Variants in FRMD4B observed in about 807,000 individuals in gnomAD.
FRMD4B encodes the protein FERM domain containing 4B, also known as FERM domain-containing protein 4B.
Under a neutral mutation model 141.5 loss-of-function variants are expected in FRMD4B, and 74 were observed. The ratio of observed to expected loss-of-function variants is 0.52; its 90% confidence interval spans 0.43 to 0.63. FRMD4B has a LOEUF of 0.63. FRMD4B is among the 30% of genes least tolerant of loss of function. The probability of loss-of-function intolerance (pLI) is 0.00; values close to 1 mark genes in which losing one functional copy is unlikely to be tolerated. For missense variants in FRMD4B, 1,366 were observed against 1,253.4 expected (o/e 1.09, Z -1.36); for synonymous variants, 506 against 467.9 (o/e 1.08, Z -1.05).
intron 2 of FRMD4B, among the ~76,000 whole-genome samples, chr3:69,427,790 G>C (rs1405801183): frequency 6.6e-6 from 1 of 151,496 alleles, no homozygotes; most frequent in African/African-American, 2.4e-5. Context: ...CAAGTAGCTG[G>C]GATTACAGGC....
intron 16 of FRMD4B, among the ~76,000 whole-genome samples, chr3:69,194,101 C>A (rs569395666): frequency 6.6e-6 from 1 of 152,340 alleles, no homozygotes; most frequent in Non-Finnish European, 1.5e-5. Flanking sequence ...AAGGGAATGG[C>A]CTTTCATTCA....
chr3:69,486,791 G>T (rs1242471202), intron 1 of FRMD4B, among the ~76,000 whole-genome samples: 2 of 152,184 alleles, frequency 1.3e-5, no homozygotes, highest in East Asian at 3.8e-4. Context: ...CTGATGTGAG[G>T]CAAAGTAGCA....
intron 1 of FRMD4B, among the ~76,000 whole-genome samples, chr3:69,449,148 C>G (rs1201642254): frequency 2.0e-5 from 3 of 152,160 alleles, no homozygotes; most frequent in Non-Finnish European, 4.4e-5. Flanking sequence ...CTCTCAAGAT[C>G]TATAAATGCA....
At chr3:69,532,987 T>C (rs1465365245) in intron 1 of FRMD4B, among the ~76,000 whole-genome samples, 5 of 152,246 alleles carry the variant, frequency 3.3e-5, no homozygotes, top group African/African-American at 1.2e-4. Context: ...TCTAGGCTAC[T>C]TAGTGATTTC....
At chr3:69,369,936 G>A (rs1449807991) in intron 1 of FRMD4B, among the ~76,000 whole-genome samples, 4 of 152,080 alleles carry the variant, frequency 2.6e-5, no homozygotes, top group Admixed American at 1.3e-4. Context: ...TTATTTGATG[G>A]TGCTAATTAG....
intron 2 of FRMD4B, among the ~76,000 whole-genome samples, chr3:69,405,538 T>C (rs1274481090): frequency 6.6e-6 from 1 of 152,120 alleles, no homozygotes; most frequent in Non-Finnish European, 1.5e-5. Flanking sequence ...AAAAGAACAT[T>C]TTCCCCAATA....
chr3:69,204,113 C>A (rs1369299859), intron 11 of FRMD4B, among the ~76,000 whole-genome samples: 1 of 152,062 alleles, frequency 6.6e-6, no homozygotes, highest in African/African-American at 2.4e-5. Context: ...TCACGGCATG[C>A]CCCACAGGTA....
intron 10 of FRMD4B, among the ~76,000 whole-genome samples, chr3:69,217,682 T>C (rs1242956486): frequency 6.6e-6 from 1 of 152,144 alleles, no homozygotes; most frequent in Admixed American, 6.6e-5. Context: ...ATTCTCATTA[T>C]GTAAATTTTC....
intron 10 of FRMD4B, among the ~76,000 whole-genome samples, chr3:69,217,449 C>T (rs1445084808): frequency 6.6e-6 from 1 of 151,946 alleles, no homozygotes; most frequent in Non-Finnish European, 1.5e-5. Context: ...GGTGAAACCC[C>T]ATCTCCACTA....
intron 2 of FRMD4B, among the ~76,000 whole-genome samples, chr3:69,413,320 G>A (rs1199575530): frequency 6.6e-6 from 1 of 152,096 alleles, no homozygotes; most frequent in African/African-American, 2.4e-5. Flanking sequence ...CCATTTTACA[G>A]TTAAAGAAAC....
chr3:69,225,727 AAG>A (rs2093247745), intron 7 of FRMD4B, among the ~76,000 whole-genome samples: 7 of 36,140 alleles, frequency 1.9e-4, no homozygotes, highest in East Asian at 1.1e-3. Flanking sequence ...AAAAAAAAAA[AAG>A]AGGGAGAACA....
intron 7 of FRMD4B, among the ~76,000 whole-genome samples, chr3:69,232,244 C>G (rs533959550): frequency 6.6e-6 from 1 of 152,180 alleles, no homozygotes; most frequent in South Asian, 2.1e-4. Context: ...CTGGTTTCTC[C>G]GGGTCCTAGC....
intron 1 of FRMD4B, among the ~76,000 whole-genome samples, chr3:69,324,365 C>G (rs1019935212): frequency 1.3e-5 from 2 of 152,248 alleles, no homozygotes; most frequent in East Asian, 3.8e-4. Flanking sequence ...GTGCTGAGCA[C>G]TCTCTAAGTG....
chr3:69,190,167 T>C (rs2092821022), intron 17 of FRMD4B, among the ~76,000 whole-genome samples: 1 of 152,220 alleles, frequency 6.6e-6, no homozygotes, highest in Non-Finnish European at 1.5e-5. Flanking sequence ...ATTAGATTAT[T>C]TCTTAAAATG....
At chr3:69,216,440 T>C in intron 10 of FRMD4B, 91 bp from the exon 11 acceptor site, 1 of 677,552 alleles carries the variant, frequency 1.5e-6, no homozygotes, top group South Asian at 1.7e-5. Flanking sequence ...TTTTTTTTTT[T>C]TTTTTTTTTT....
At chr3:69,488,254 T>C (rs974023311) in intron 1 of FRMD4B, among the ~76,000 whole-genome samples, 1 of 152,188 alleles carries the variant, frequency 6.6e-6, no homozygotes, top group Admixed American at 6.5e-5. Flanking sequence ...AGAGCTTTTG[T>C]CCAAAAATTC....
chr3:69,404,144 GTC>G (rs1296621979), intron 2 of FRMD4B, among the ~76,000 whole-genome samples: 2 of 152,154 alleles, frequency 1.3e-5, no homozygotes, highest in Non-Finnish European at 2.9e-5. Context: ...TGATCCTCTT[GTC>G]TCAGCCTCCC....
chr3:69,200,322 C>T, intron 11 of FRMD4B: 1 of 629,674 alleles, frequency 1.6e-6, no homozygotes, highest in Non-Finnish European at 2.0e-6. Flanking sequence ...GTAACTATAA[C>T]ACTCACTCAG....
chr3:69,215,031 C>A (rs946445591), intron 11 of FRMD4B, among the ~76,000 whole-genome samples: 3 of 151,558 alleles, frequency 2.0e-5, no homozygotes, highest in Admixed American at 2.0e-4. Flanking sequence ...ACGCGCATGC[C>A]GCTATGCCCA....
Sources: gnomAD v4.1 joint callset for allele counts (sites outside exome capture counted in the v4.1 genomes callset) on GRCh38, gnomAD v4.1.1 for gene constraint, MANE v1.5 for transcripts, NCBI Gene and HGNC (gene_info 2026-07-23, HGNC 2026-07-21) for gene names.